The following PCDHGB4 variants were observed in gnomAD, a reference collection of about 807,000 sequenced individuals.
PCDHGB4 encodes protocadherin gamma subfamily B, 4.
PCDHGB4 carries 38 observed loss-of-function variants against 60.5 expected under a neutral mutation model. The observed-to-expected ratio is 0.63, with a 90% confidence interval of 0.48 to 0.82. The LOEUF is 0.82. PCDHGB4 is among the 40% of genes least tolerant of loss of function. PCDHGB4 has a pLI of 0.00. For missense variants in PCDHGB4, 1,109 were observed against 1,209.6 expected (o/e 0.92, Z 1.23); for synonymous variants, 456 against 509.7 (o/e 0.89, Z 1.42).
intron 1 of PCDHGB4, among the ~76,000 whole-genome samples, chr5:141,460,304 A>T (rs769422296): frequency 2.6e-5 from 4 of 152,144 alleles, no homozygotes; most frequent in Admixed American, 6.5e-5. Flanking sequence ...TCCTATTCAA[A>T]AACTCCTTGC....
At position 141,486,114 on chromosome 5, in the gene PCDHGB4, A is replaced by G; in HGVS notation, c.2398-8693A>G. On this transcript the variant is annotated intron_variant, in intron 1 of 3. Coordinates refer to ENST00000519479, the MANE Select transcript of PCDHGB4 (RefSeq NM_003736.4). This position sits in a 1 kb window ranked among gnomAD's most constrained non-coding sequence, Gnocchi z 5.0. ...GGGCCCCTAGACTTTGAGAGTGAGAATTACTATGAATTTGATGTGCGGGCT... is the reference window on the plus strand; with the variant it reads ...GGGCCCCTAGACTTTGAGAGTGAGAGTTACTATGAATTTGATGTGCGGGCT... 3 of 1,614,082 alleles carry G rather than the reference A, an allele frequency of 1.9e-6. No individual in the cohort carries two copies. Among genetic ancestry groups the G allele is most frequent in the South Asian group, 2.2e-5 (2 of 91,072 alleles).
In PCDHGB4 at chr5:141,486,440, A is replaced by G; in HGVS notation, c.2398-8367A>G. 6.2e-7 allele frequency: 1 copy of G among 1,614,114 alleles called. No individual in the cohort carries two copies. The highest frequency in any genetic ancestry group is 8.5e-7 in the Non-Finnish European group (1 of 1,179,936). On this transcript the variant is annotated intron_variant, in intron 1 of 3. Coordinates refer to ENST00000519479, the MANE Select transcript of PCDHGB4 (RefSeq NM_003736.4). This position sits in a 1 kb window ranked among gnomAD's most constrained non-coding sequence, Gnocchi z 5.0. ...TCGAGAGGCCAAATCTAGCTATGACATCATGGTCACTGCTTCTGATGCTGG... is the reference window on the plus strand; with the variant it reads ...TCGAGAGGCCAAATCTAGCTATGACGTCATGGTCACTGCTTCTGATGCTGG...
chr5:141,492,395 C>G (rs2099740183), intron 1 of PCDHGB4, among the ~76,000 whole-genome samples: 1 of 152,242 alleles, frequency 6.6e-6, no homozygotes, highest in African/African-American at 2.4e-5. Flanking sequence ...GGTCCACTCG[C>G]AGCTCCCCTC....
At chr5:141,482,790 G>A (rs2099572686) in intron 1 of PCDHGB4, among the ~76,000 whole-genome samples, 1 of 128,870 alleles carries the variant, frequency 7.8e-6, no homozygotes, top group African/African-American at 3.5e-5. Context: ...CTGTGTGTGT[G>A]GCCGGGTACG....
At chr5:141,472,347 C>G (rs992566469) in intron 1 of PCDHGB4, among the ~76,000 whole-genome samples, 11 of 152,028 alleles carry the variant, frequency 7.2e-5, no homozygotes, top group Non-Finnish European at 1.2e-4. Context: ...CGAGACCATC[C>G]TGGCTAACAC....
At chr5:141,433,363 CTA>C (rs2097590674) in intron 1 of PCDHGB4, 2 of 463,314 alleles carry the variant, frequency 4.3e-6, no homozygotes, top group African/African-American at 5.6e-5. Flanking sequence ...GTCTGCCTAT[CTA>C]TCTATCTATC....
In PCDHGB4 at chr5:141,394,672, G is replaced by A. The variant is rs1407775660; in HGVS notation, c.2397+4391G>A. 4 of 1,612,088 alleles carry A rather than the reference G, an allele frequency of 2.5e-6. No individual in the cohort carries two copies. In the African/African-American group the frequency reaches 5.4e-5, roughly 22 times the overall value. On this transcript the variant is annotated intron_variant, in intron 1 of 3. Transcript: ENST00000519479. Reference sequence around the variant, plus strand: ...AGCGAGCCGGGACTCTTCTCGGTGGGTCTGCACACGGGCGAGGTGCGCACG... The same window carrying A: ...AGCGAGCCGGGACTCTTCTCGGTGGATCTGCACACGGGCGAGGTGCGCACG...
rs753872725 is a variant in PCDHGB4, at chr5:141,423,153, C to T, written c.2397+32872C>T. ...TGGACAGAGACGCGCTCAAGCAGAG[C>T]CTCGTGGTGGCCGTCCAGGACCACG... On this transcript the variant is annotated intron_variant, in intron 1 of 3. Transcript: ENST00000519479. The T allele has an allele frequency of 3.7e-6, 6 of 1,613,482 alleles. No homozygotes were observed. The East Asian group carries it at 8.9e-5, about 24-fold the overall frequency.
intron 1 of PCDHGB4, chr5:141,418,168 G>T (rs2096233804): frequency 6.2e-7 from 1 of 1,613,946 alleles, no homozygotes. Context: ...GAAGATGTGA[G>T]TTGCAATTGG....
rs145897132 is a variant in PCDHGB4, at chr5:141,395,374, T to C, written c.2397+5093T>C. The stretch of plus-strand genomic sequence containing the variant: ...CAGAGTTTTGGGTTTATTTTGGTGG[T>C]GTTACTATAAAATTGAACTCTAATA... On this transcript the variant is annotated intron_variant, in intron 1 of 3. Coordinates refer to ENST00000519479, the MANE Select transcript of PCDHGB4 (RefSeq NM_003736.4). 327 of 1,187,896 alleles carry C rather than the reference T, an allele frequency of 2.8e-4. 1 individual carries two copies. The African/African-American group carries it at 4.3e-3, about 16-fold the overall frequency. The allele number at this position is 1,187,896 out of a possible 1,614,324, so 73.6% of individuals were successfully genotyped here.
chr5:141,422,580 C>T (rs1310564205), intron 1 of PCDHGB4: 10 of 1,613,934 alleles, frequency 6.2e-6, no homozygotes, highest in Non-Finnish European at 8.5e-6. Flanking sequence ...ATAACCCTCC[C>T]GTTTTTCCTC....
intron 1 of PCDHGB4, among the ~76,000 whole-genome samples, chr5:141,446,247 A>T (rs969960822): frequency 6.6e-6 from 1 of 152,160 alleles, no homozygotes; most frequent in African/African-American, 2.4e-5. Context: ...GTAGATCTTC[A>T]GTGAAATATT....
intron 1 of PCDHGB4, chr5:141,400,163 ACC>A (rs2093974471): frequency 6.2e-7 from 1 of 1,613,712 alleles, no homozygotes. Context: ...GTACCCTCTG[ACC>A]CCCAGGCTGA....
rs777710801 is a variant in PCDHGB4, at chr5:141,400,340, A to G, written c.2397+10059A>G. On this transcript the variant is annotated intron_variant, in intron 1 of 3. Transcript: ENST00000519479. ...AAGTCTGGACCTGTGGTTCCCCCCA[A>G]CTACAGTCAGGGGACTTTGCCTTAT... The G allele has an allele frequency of 5.0e-6, 8 of 1,613,856 alleles. No homozygotes were observed. The highest frequency in any genetic ancestry group is 1.3e-5 in the African/African-American group (1 of 74,922).
chr5:141,409,907 C>T (rs1370065492), intron 1 of PCDHGB4: 1 of 1,613,294 alleles, frequency 6.2e-7, no homozygotes, highest in East Asian at 2.2e-5. Flanking sequence ...AGCTCTGGGT[C>T]CTGACGGCTC....
In PCDHGB4 at chr5:141,486,610, C is replaced by G; in HGVS notation, c.2398-8197C>G. 6.2e-7 allele frequency: 1 copy of G among 1,613,620 alleles called. No homozygotes were observed. The highest frequency in any genetic ancestry group is 8.5e-7 in the Non-Finnish European group (1 of 1,180,038). On this transcript the variant is annotated intron_variant, in intron 1 of 3. Coordinates refer to ENST00000519479, the MANE Select transcript of PCDHGB4 (RefSeq NM_003736.4). This position sits in a 1 kb window ranked among gnomAD's most constrained non-coding sequence, Gnocchi z 5.0. ...GGGACCTGCTTTGCTCCCTTGCAGC[C>G]TCTGACCCAGACTCTGGCTTGAATG...
Position 141,476,013 on chromosome 5 carries a change from G to A in PCDHGB4, c.2398-18794G>A. ...AAATCAACGGCATCCAGAAAGCCAT[G>A]TCGGACTCGGCGCCCAGCGCCCAAG... On this transcript the variant is annotated intron_variant, in intron 1 of 3. Coordinates refer to ENST00000519479, the MANE Select transcript of PCDHGB4 (RefSeq NM_003736.4). The surrounding 1 kb of genome is among the most constrained non-coding windows in gnomAD (Gnocchi z 7.6). The A allele has an allele frequency of 7.5e-7, 1 of 1,334,720 alleles. No individual in the cohort carries two copies. The highest frequency in any genetic ancestry group is 1.0e-6 in the Non-Finnish European group (1 of 983,502). 82.7% of individuals were successfully genotyped at this position (1,334,720 alleles called of 1,614,324 possible). A position where few individuals can be genotyped will look rare whatever the true frequency, so the allele number is the denominator to read the frequency against.
chr5:141,418,714 T>C, intron 1 of PCDHGB4: 4 of 1,614,000 alleles, frequency 2.5e-6, no homozygotes, highest in Non-Finnish European at 3.4e-6. Flanking sequence ...TTGGTGTGGC[T>C]GACAAAGCTC....
At chr5:141,415,740 G>GTTTTTTTTTTTTTTTTTTGTTTTTTTTT in intron 1 of PCDHGB4, 1 of 617,992 alleles carries the variant, frequency 1.6e-6, no homozygotes, top group Non-Finnish European at 2.1e-6. Flanking sequence ...GTTTATTAAG[G>GTTTTTTTTTTTTTTTTTTGTTTTTTTTT]TTTTTTTTTT....
Sources: allele counts gnomAD v4.1 joint callset (sites outside exome capture counted in the v4.1 genomes callset), GRCh38; gene constraint gnomAD v4.1.1; non-coding constraint Gnocchi (gnomAD v3.1); transcripts MANE v1.5; gene names NCBI Gene and HGNC (gene_info 2026-07-23, HGNC 2026-07-21).